Variants in PRKG1 observed in about 807,000 individuals in gnomAD.
PRKG1 encodes cGMP-dependent protein kinase 1.
In PRKG1, 35 loss-of-function variants were observed where a neutral mutation model predicts 88.1. The ratio of observed to expected loss-of-function variants is 0.40; its 90% CI spans 0.30 to 0.53. PRKG1 has a LOEUF of 0.53. Ranked by LOEUF, PRKG1 falls within the 20% of genes least tolerant of loss-of-function variation. The pLI, the probability that PRKG1 is intolerant of heterozygous loss-of-function variation, is 0.59. For missense variants in PRKG1, 540 were observed against 839.8 expected (o/e 0.64, Z 4.41); for synonymous variants, 303 against 292.5 (o/e 1.04, Z -0.37).
At chr10:51,419,585 G>A (rs1175185406) in intron 2 of PRKG1, among the ~76,000 whole-genome samples, 1 of 152,168 alleles carries the variant, frequency 6.6e-6, no homozygotes, top group East Asian at 1.9e-4. Flanking sequence ...ACTTGGGACT[G>A]TCAGATGACA....
At chr10:51,680,373 G>T (rs777083684) in intron 3 of PRKG1, among the ~76,000 whole-genome samples, 6 of 152,186 alleles carry the variant, frequency 3.9e-5, no homozygotes, top group Non-Finnish European at 7.3e-5. Flanking sequence ...CGCCCTGTGG[G>T]GTGCTTTCTT....
At position 52,213,027 on chromosome 10, in the gene PRKG1, A is replaced by C. The variant is rs191349565; in HGVS notation, c.1077-38543A>C. Among the ~76,000 whole-genome samples the C allele has an allele frequency of 1.7e-3, 265 of 152,330 alleles. 1 individual carries two copies. The highest frequency in any genetic ancestry group is 5.9e-3 in the African/African-American group (244 of 41,580). Reference sequence around the variant, plus strand: ...AACCACTGCGTACATGAATGTTTACACACTAAGAAATTGACTTTTGCACTT... The same window carrying C: ...AACCACTGCGTACATGAATGTTTACCCACTAAGAAATTGACTTTTGCACTT... On this transcript the variant is annotated intron_variant, in intron 9 of 17. Coordinates refer to ENST00000373980, the MANE Select transcript of PRKG1 (RefSeq NM_006258.4).
Position 51,184,547 on chromosome 10 carries a change from A to G in PRKG1, c.478+31217A>G, listed in dbSNP as rs140827965. On this transcript the variant is annotated intron_variant, in intron 2 of 17. Transcript: ENST00000373980. ...AATGAACATGTAGGAAGTTATCTAT[A>G]TAAGTTGTTGCCTTTCATGTCATTT... Among the ~76,000 whole-genome samples the G allele has an allele frequency of 2.0e-5, 3 of 152,310 alleles. No individual in the cohort carries two copies. The East Asian group carries it at 5.8e-4, about 29-fold the overall frequency.
At chr10:52,078,570 G>C (rs1904027) in intron 7 of PRKG1, among the ~76,000 whole-genome samples, 99,685 of 151,994 alleles carry the variant, frequency 0.66, 32,755 homozygotes, top group East Asian at 0.74. Flanking sequence ...GTAACAAAAA[G>C]ATTAAGCCAG....
chr10:51,351,839 T>C (rs1564457996), intron 2 of PRKG1, among the ~76,000 whole-genome samples: 1 of 152,200 alleles, frequency 6.6e-6, no homozygotes, highest in Non-Finnish European at 1.5e-5. Context: ...CTGAATGGTA[T>C]TGCCTAAGTT....
intron 3 of PRKG1, among the ~76,000 whole-genome samples, chr10:51,803,998 A>G (rs1002471907): frequency 6.6e-6 from 1 of 152,156 alleles, no homozygotes; most frequent in African/African-American, 2.4e-5. Context: ...TAAGAGAATA[A>G]ATTAAAATTC....
chr10:51,260,148 T>C (rs1032236688), intron 2 of PRKG1, among the ~76,000 whole-genome samples: 3 of 152,240 alleles, frequency 2.0e-5, no homozygotes, highest in South Asian at 4.1e-4. Context: ...GCCAATTCCA[T>C]TGCTCTTCAC....
chr10:51,660,894 T>C (rs1230308820), intron 3 of PRKG1, among the ~76,000 whole-genome samples: 3 of 152,264 alleles, frequency 2.0e-5, no homozygotes, highest in South Asian at 4.1e-4. Context: ...CTGTTGCAAA[T>C]GTTTTATTCA....
intron 3 of PRKG1, among the ~76,000 whole-genome samples, chr10:51,484,681 AG>A (rs1352837879): frequency 6.6e-6 from 1 of 152,160 alleles, no homozygotes; most frequent in African/African-American, 2.4e-5. Context: ...TCACCACTTA[AG>A]GCAGACTTCC....
At chr10:51,106,356 T>C (rs1844831292) in intron 1 of PRKG1, among the ~76,000 whole-genome samples, 1 of 152,152 alleles carries the variant, frequency 6.6e-6, no homozygotes, top group Non-Finnish European at 1.5e-5. Flanking sequence ...CTCGGGAGAA[T>C]ACATCATTTA....
intron 2 of PRKG1, among the ~76,000 whole-genome samples, chr10:51,361,274 A>G (rs1842475049): frequency 6.6e-6 from 1 of 151,908 alleles, no homozygotes; most frequent in South Asian, 2.1e-4. Context: ...ATGAACCGCT[A>G]TACAGACTTT....
chr10:52,040,832 C>CTTTTTTTTTTTT (rs11312625), intron 5 of PRKG1, among the ~76,000 whole-genome samples: 1 of 85,260 alleles, frequency 1.2e-5, no homozygotes, highest in Non-Finnish European at 2.1e-5. Flanking sequence ...AATGGCTTTT[C>CTTTTTTTTTTTT]TTTTTTTTTT....
At chr10:51,784,008 T>C in intron 3 of PRKG1, among the ~76,000 whole-genome samples, 1 of 152,066 alleles carries the variant, frequency 6.6e-6, no homozygotes, top group East Asian at 1.9e-4. Flanking sequence ...CTTGGTTAAC[T>C]CTTTCTCCAT....
intron 2 of PRKG1, among the ~76,000 whole-genome samples, chr10:51,363,073 T>A (rs1842517461): frequency 6.6e-6 from 1 of 151,922 alleles, no homozygotes; most frequent in Non-Finnish European, 1.5e-5. Context: ...AGAGTTTGAT[T>A]CAAAAGATGC....
intron 3 of PRKG1, among the ~76,000 whole-genome samples, chr10:51,552,968 C>A (rs1178260954): frequency 2.0e-5 from 3 of 151,342 alleles, no homozygotes; most frequent in Non-Finnish European, 4.4e-5. Flanking sequence ...ATAACTAAAA[C>A]AAAAAAATTA....
At chr10:51,210,477 G>C (rs1055282630) in intron 2 of PRKG1, among the ~76,000 whole-genome samples, 2 of 152,162 alleles carry the variant, frequency 1.3e-5, no homozygotes, top group African/African-American at 2.4e-5. Context: ...GAGCAGAACT[G>C]AAGGAAATAG....
chr10:51,749,521 T>A (rs1013168494), intron 3 of PRKG1, among the ~76,000 whole-genome samples: 2 of 152,112 alleles, frequency 1.3e-5, no homozygotes, highest in African/African-American at 2.4e-5. Context: ...ACCCCTCCAT[T>A]ATGGCATTTA....
chr10:51,235,858 T>TA lies in PRKG1; in HGVS notation c.478+82537dup, dbSNP rs923955082. 2.6e-3 allele frequency among the ~76,000 whole-genome samples: 396 copies of TA among 150,080 alleles called. 2 individuals are homozygous for TA. Among genetic ancestry groups the TA allele is most frequent in the African/African-American group, 7.8e-3 (319 of 40,856 alleles). Reference sequence around the variant, plus strand: ...ATCAGAAATGGTTAAAAATGAAAAATAAAAAAAAAGAGAGAACCAATTAAT... The same window carrying TA: ...ATCAGAAATGGTTAAAAATGAAAAATAAAAAAAAAAGAGAGAACCAATTAAT... On this transcript the variant is annotated intron_variant, in intron 2 of 17. Transcript: ENST00000373980.
In PRKG1 at chr10:51,035,528, G is replaced by A. The variant is rs370334347; in HGVS notation, c.266+43884G>A. On this transcript the variant is annotated intron_variant, in intron 1 of 17. Coordinates refer to the PRKG1 transcript ENST00000401604. Reference sequence around the variant, plus strand: ...CACCTGGGTGATACCTGACTGGCAGGTATTTCCTGCATGCCTGCATTCCAG... The same window carrying A: ...CACCTGGGTGATACCTGACTGGCAGATATTTCCTGCATGCCTGCATTCCAG... 1.1e-4 allele frequency among the ~76,000 whole-genome samples: 16 copies of A among 152,208 alleles called. No individual in the cohort carries two copies. The South Asian group carries it at 1.9e-3, about 18-fold the overall frequency.
Sources: gnomAD v4.1 joint callset for allele counts (sites outside exome capture counted in the v4.1 genomes callset) on GRCh38, gnomAD v4.1.1 for gene constraint, MANE v1.5 for transcripts, NCBI Gene and HGNC (gene_info 2026-07-23, HGNC 2026-07-21) for gene names.